The following ST3GAL3 variants were observed in gnomAD, a reference collection of about 807,000 sequenced individuals.
ST3GAL3 encodes ST3 beta-galactoside alpha-2,3-sialyltransferase 3, also known as CMP-N-acetylneuraminate-beta-1,4-galactoside alpha-2,3-sialyltransferase.
ST3GAL3 carries 21 observed loss-of-function variants against 50.1 expected under a neutral mutation model. That is an observed-to-expected ratio of 0.42 (90% CI 0.30 to 0.60). ST3GAL3 has a LOEUF of 0.60. ST3GAL3 is among the 20% of genes least tolerant of loss of function. ST3GAL3 has a pLI of 0.19. For missense variants in ST3GAL3, 353 were observed against 489.4 expected (o/e 0.72, Z 2.63); for synonymous variants, 183 against 190.0 (o/e 0.96, Z 0.30).
chr1:43,754,420 G>A (rs1453216803), intron 2 of ST3GAL3, among the ~76,000 whole-genome samples: 1 of 152,112 alleles, frequency 6.6e-6, no homozygotes, highest in Non-Finnish European at 1.5e-5. Context: ...TCTAACTCCT[G>A]ACCTCAAGCA....
intron 5 of ST3GAL3, among the ~76,000 whole-genome samples, chr1:43,846,512 T>C (rs1273788723): frequency 6.6e-6 from 1 of 152,194 alleles, no homozygotes; most frequent in African/African-American, 2.4e-5. Context: ...TTACTTTTGT[T>C]TGTGGGAAGG....
At chr1:43,728,682 T>A (rs1200352220) in intron 1 of ST3GAL3, among the ~76,000 whole-genome samples, 3 of 152,058 alleles carry the variant, frequency 2.0e-5, no homozygotes, top group Non-Finnish European at 4.4e-5. Context: ...GCCCAGGAGG[T>A]CGAGGTTGCA....
At chr1:43,743,903 T>C (rs948035530) in intron 2 of ST3GAL3, among the ~76,000 whole-genome samples, 13 of 145,246 alleles carry the variant, frequency 9.0e-5, no homozygotes, top group African/African-American at 3.0e-4. Context: ...ACACGCATAT[T>C]GTACTTTTAA....
At chr1:43,747,952 C>A (rs1427635983) in intron 2 of ST3GAL3, among the ~76,000 whole-genome samples, 1 of 151,978 alleles carries the variant, frequency 6.6e-6, no homozygotes, top group Non-Finnish European at 1.5e-5. Context: ...TGGTGATAAA[C>A]TCAACTTTTA....
At chr1:43,742,745 A>G (rs1400036186) in intron 2 of ST3GAL3, among the ~76,000 whole-genome samples, 1 of 152,258 alleles carries the variant, frequency 6.6e-6, no homozygotes, top group Non-Finnish European at 1.5e-5. Flanking sequence ...GAATCTATAA[A>G]AAAGAACCAA....
chr1:43,860,555 G>C (rs568262450), intron 5 of ST3GAL3, among the ~76,000 whole-genome samples: 37 of 152,358 alleles, frequency 2.4e-4, no homozygotes, highest in African/African-American at 8.4e-4. Flanking sequence ...AGCAAAGGGT[G>C]AGCCTTGCTC....
At chr1:43,847,351 T>C (rs2066426737) in intron 5 of ST3GAL3, among the ~76,000 whole-genome samples, 1 of 152,226 alleles carries the variant, frequency 6.6e-6, no homozygotes. Context: ...GTAGCAGGAA[T>C]TATTCATTAT....
At chr1:43,715,726 T>C (rs1479562035) in intron 1 of ST3GAL3, among the ~76,000 whole-genome samples, 1 of 152,164 alleles carries the variant, frequency 6.6e-6, no homozygotes, top group African/African-American at 2.4e-5. Flanking sequence ...AGGTTGAGGC[T>C]GCAATGAGCT....
chr1:43,879,025 A>G (rs1019853640), intron 5 of ST3GAL3: 6 of 456,232 alleles, frequency 1.3e-5, no homozygotes, highest in Non-Finnish European at 2.6e-5. Flanking sequence ...ACGTGCTTAC[A>G]GAGAAAACAA....
intron 5 of ST3GAL3, among the ~76,000 whole-genome samples, chr1:43,866,244 A>G (rs2071297324): frequency 6.6e-6 from 1 of 152,226 alleles, no homozygotes; most frequent in Admixed American, 6.5e-5. Flanking sequence ...GGGAGAAGCC[A>G]TCTTTTGGGG....
intron 5 of ST3GAL3, among the ~76,000 whole-genome samples, chr1:43,844,740 T>C (rs2065955427): frequency 6.6e-6 from 1 of 150,872 alleles, no homozygotes; most frequent in South Asian, 2.1e-4. Context: ...GGCAGGAGAA[T>C]GGCGTGAACC....
intron 11 of ST3GAL3, among the ~76,000 whole-genome samples, chr1:43,927,618 C>CT (rs1343281184): frequency 6.6e-6 from 1 of 152,214 alleles, no homozygotes; most frequent in Non-Finnish European, 1.5e-5. Flanking sequence ...CTCCAAGTCT[C>CT]TGTTTTCCCT....
chr1:43,850,218 G>A (rs1005409881), intron 5 of ST3GAL3: 4 of 358,846 alleles, frequency 1.1e-5, no homozygotes, highest in South Asian at 2.4e-5. Context: ...TTGTGGGGCA[G>A]CTTGTACATC....
chr1:43,905,973 T>C (rs1571163541), intron 9 of ST3GAL3, among the ~76,000 whole-genome samples: 2 of 34,608 alleles, frequency 5.8e-5, no homozygotes, highest in Non-Finnish European at 1.1e-4. Flanking sequence ...TCCCCTCTCC[T>C]CCTCCTGCTC....
chr1:43,724,291 A>G (rs891163649), intron 1 of ST3GAL3, among the ~76,000 whole-genome samples: 3 of 151,810 alleles, frequency 2.0e-5, no homozygotes, highest in African/African-American at 7.3e-5. Context: ...GCTAACTGCA[A>G]CGTCTGCCTC....
chr1:43,923,145 A>C (rs2083340098), intron 11 of ST3GAL3, among the ~76,000 whole-genome samples: 1 of 151,804 alleles, frequency 6.6e-6, no homozygotes. Context: ...GTGCGCATGT[A>C]GTCCCTGCTG....
intron 2 of ST3GAL3, among the ~76,000 whole-genome samples, chr1:43,789,323 TGGG>T (rs952388302): frequency 2.0e-5 from 3 of 152,116 alleles, no homozygotes; most frequent in African/African-American, 7.2e-5. Context: ...TGGTGGTTCC[TGGG>T]GTTGGAGGTT....
intron 3 of ST3GAL3, among the ~76,000 whole-genome samples, chr1:43,810,835 T>C (rs554546199): frequency 1.3e-5 from 2 of 152,062 alleles, no homozygotes; most frequent in South Asian, 4.2e-4. Context: ...ATTGCCTCAT[T>C]TACGAAGAAA....
At chr1:43,752,186 T>C (rs1201228147) in intron 2 of ST3GAL3, among the ~76,000 whole-genome samples, 3 of 152,224 alleles carry the variant, frequency 2.0e-5, no homozygotes, top group African/African-American at 7.2e-5. Flanking sequence ...ATGCATCATG[T>C]TATTTAATCT....
Sources: allele counts gnomAD v4.1 joint callset (sites outside exome capture counted in the v4.1 genomes callset), GRCh38; gene constraint gnomAD v4.1.1; transcripts MANE v1.5; gene names NCBI Gene and HGNC (gene_info 2026-07-23, HGNC 2026-07-21).